The following RAPGEF4 variants were observed in gnomAD, a reference collection of about 807,000 sequenced individuals.
RAPGEF4 encodes the protein RAP guanine-nucleotide-exchange factor (GEF) 4.
In RAPGEF4, 66 loss-of-function variants were observed where a neutral mutation model predicts 147.9. The ratio of observed to expected loss-of-function variants is 0.45; its 90% CI spans 0.37 to 0.55. The LOEUF (loss-of-function observed/expected upper bound fraction) is 0.55. Ranked by LOEUF, RAPGEF4 falls within the 20% of genes least tolerant of loss-of-function variation. RAPGEF4 has a pLI of 0.00. For missense variants in RAPGEF4, 1,071 were observed against 1,257.3 expected (o/e 0.85, Z 2.24); for synonymous variants, 419 against 442.7 (o/e 0.95, Z 0.67).
intron 5 of RAPGEF4, among the ~76,000 whole-genome samples, chr2:172,918,509 A>T (rs541688176): frequency 6.6e-6 from 1 of 152,056 alleles, no homozygotes; most frequent in African/African-American, 2.4e-5. Flanking sequence ...GTACATATTA[A>T]ATATTTTTAA....
chr2:172,773,534 C>T (rs1683836148), intron 1 of RAPGEF4, among the ~76,000 whole-genome samples: 1 of 152,122 alleles, frequency 6.6e-6, no homozygotes, highest in African/African-American at 2.4e-5. Flanking sequence ...CTTACTCATC[C>T]ATGGCTCTCT....
intron 4 of RAPGEF4, among the ~76,000 whole-genome samples, chr2:172,873,645 C>T (rs1308993007): frequency 6.6e-6 from 1 of 152,150 alleles, no homozygotes; most frequent in Non-Finnish European, 1.5e-5. Flanking sequence ...TGGACAAAAA[C>T]TTCATGACTA....
At chr2:173,034,144 A>G (rs1683600595) in intron 27 of RAPGEF4, among the ~76,000 whole-genome samples, 180 bp downstream of exon 27, 1 of 152,244 alleles carries the variant, frequency 6.6e-6, no homozygotes, top group Non-Finnish European at 1.5e-5. Flanking sequence ...ACCCTCAGGA[A>G]CTAACTTAAA....
intron 14 of RAPGEF4, among the ~76,000 whole-genome samples, chr2:172,989,305 A>G (rs1248520077): frequency 6.6e-6 from 1 of 151,158 alleles, no homozygotes; most frequent in Admixed American, 6.6e-5. Flanking sequence ...ATATCATCAT[A>G]CATTCCCTTG....
chr2:172,899,265 GC>G (rs1270821286), intron 4 of RAPGEF4, among the ~76,000 whole-genome samples: 2 of 152,170 alleles, frequency 1.3e-5, no homozygotes, highest in Non-Finnish European at 2.9e-5. Context: ...TTATAGGAAA[GC>G]CCAGTGTAGC....
intron 4 of RAPGEF4, among the ~76,000 whole-genome samples, chr2:172,846,028 C>T (rs960274780): frequency 5.9e-5 from 9 of 152,164 alleles, no homozygotes; most frequent in Admixed American, 4.6e-4. Context: ...CCCTCCTCAC[C>T]GCAGCAGGAG....
chr2:172,954,366 A>G (rs1305873474), intron 6 of RAPGEF4, among the ~76,000 whole-genome samples: 1 of 152,126 alleles, frequency 6.6e-6, no homozygotes, highest in East Asian at 1.9e-4. Context: ...GCCCAAGAGC[A>G]CTCATTATTT....
intron 1 of RAPGEF4, among the ~76,000 whole-genome samples, chr2:172,754,601 C>T: frequency 6.6e-6 from 1 of 152,114 alleles, no homozygotes; most frequent in Non-Finnish European, 1.5e-5. Flanking sequence ...CACATAGCTG[C>T]TAAGTGCTAG....
At chr2:172,870,447 T>G (rs1384429352) in intron 4 of RAPGEF4, among the ~76,000 whole-genome samples, 1 of 152,100 alleles carries the variant, frequency 6.6e-6, no homozygotes, top group Non-Finnish European at 1.5e-5. Context: ...AGGGAAAAAA[T>G]GCCAGTTCAA....
At chr2:172,965,044 C>A in intron 8 of RAPGEF4, 1 of 153,702 alleles carries the variant, frequency 6.5e-6, no homozygotes, top group Admixed American at 6.4e-5. Context: ...CTCCCAACAC[C>A]CCTCCAAGGA....
At chr2:172,922,258 T>C (rs890484251) in intron 5 of RAPGEF4, 23 bp from the exon 6 acceptor site, 51 of 1,605,280 alleles carry the variant, frequency 3.2e-5, no homozygotes, top group Non-Finnish European at 4.3e-5. Flanking sequence ...ATGGCCTCTC[T>C]CTGTCTCTTT....
intron 6 of RAPGEF4, 92 bp downstream of exon 6, chr2:172,922,392 C>A: frequency 8.5e-7 from 1 of 1,177,534 alleles, no homozygotes; most frequent in Non-Finnish European, 1.3e-6. Context: ...AGCTCTTGAC[C>A]CACATTCAAC....
At chr2:172,895,806 C>T (rs1443078709) in intron 4 of RAPGEF4, among the ~76,000 whole-genome samples, 1 of 152,102 alleles carries the variant, frequency 6.6e-6, no homozygotes, top group Non-Finnish European at 1.5e-5. Flanking sequence ...GACAAACAAA[C>T]CAGAATTTGC....
At chr2:172,919,598 C>T (rs1217597383) in intron 5 of RAPGEF4, among the ~76,000 whole-genome samples, 1 of 152,130 alleles carries the variant, frequency 6.6e-6, no homozygotes, top group Non-Finnish European at 1.5e-5. Context: ...CTCACTCTCC[C>T]CTCTTCCATG....
intron 3 of RAPGEF4, among the ~76,000 whole-genome samples, chr2:172,813,973 A>T (rs957133105): frequency 1.3e-5 from 2 of 152,202 alleles, no homozygotes; most frequent in Non-Finnish European, 2.9e-5. Context: ...CAAACCGGAG[A>T]ATATCGTCTG....
intron 6 of RAPGEF4, among the ~76,000 whole-genome samples, chr2:172,938,214 TACACACAC>T (rs57780996): frequency 4.0e-5 from 6 of 148,260 alleles, no homozygotes; most frequent in South Asian, 2.2e-4. Flanking sequence ...TATCTGTAAG[TACACACAC>T]ACACACACAC....
At chr2:172,991,067 A>G in intron 15 of RAPGEF4, 142 bp downstream of exon 15, 1 of 651,098 alleles carries the variant, frequency 1.5e-6, no homozygotes, top group East Asian at 2.7e-5. Context: ...GACTAATCAC[A>G]CATCTTGTGG....
intron 1 of RAPGEF4, among the ~76,000 whole-genome samples, chr2:172,758,720 A>G (rs6741842): frequency 0.015 from 2,297 of 152,084 alleles, 57 homozygotes; most frequent in African/African-American, 0.049. Context: ...GTCATCTGTT[A>G]TGACGCGGAA....
intron 15 of RAPGEF4, among the ~76,000 whole-genome samples, chr2:172,993,267 G>A (rs146129430): frequency 3.7e-4 from 56 of 152,278 alleles, no homozygotes; most frequent in Middle Eastern, 3.4e-3. Context: ...GTCGTTTACT[G>A]TTTCGCATGT....
Sources: allele counts gnomAD v4.1 joint callset (sites outside exome capture counted in the v4.1 genomes callset), GRCh38; gene constraint gnomAD v4.1.1; transcripts MANE v1.5; gene names NCBI Gene and HGNC (gene_info 2026-07-23, HGNC 2026-07-21).